COL20A1: variants seen among roughly 807,000 people sequenced by gnomAD.
The protein encoded by COL20A1 is collagen type XX alpha 1 chain.
Under a neutral mutation model 152.9 loss-of-function variants are expected in COL20A1, and 164 were observed. The observed-to-expected ratio is 1.07, with a 90% CI of 0.94 to 1.22. The LOEUF (loss-of-function observed/expected upper bound fraction) is 1.22, where lower values mean the gene tolerates loss of function less well. COL20A1 is among the 50% of genes most tolerant of loss of function. COL20A1 has a pLI of 0.00. For missense variants in COL20A1, 1,873 were observed against 1,744.8 expected (o/e 1.07, Z -1.31); for synonymous variants, 864 against 756.0 (o/e 1.14, Z -2.34).
intron 1 of COL20A1, among the ~76,000 whole-genome samples, chr20:63,294,284 G>A (rs942345342): frequency 1.3e-5 from 2 of 151,130 alleles, no homozygotes; most frequent in African/African-American, 4.9e-5. Flanking sequence ...GGTGGCAGGT[G>A]GAGGACTCGG....
At chr20:63,300,789 A>C (rs933700718) in intron 3 of COL20A1, among the ~76,000 whole-genome samples, 2 of 152,152 alleles carry the variant, frequency 1.3e-5, no homozygotes, top group African/African-American at 4.8e-5. Context: ...AAAACTATTG[A>C]ATTTTCTTCT....
rs1368698920 is a variant in COL20A1, at chr20:63,312,940, C to T, written c.2076+6C>T. 9.1e-6 allele frequency: 14 copies of T among 1,545,172 alleles called. No individual in the cohort carries two copies. Among genetic ancestry groups the T allele is most frequent in the Non-Finnish European group, 1.2e-5 (14 of 1,142,008 alleles). Reference sequence around the variant, plus strand: ...GAGAGGGGAAGGCTCACGAGGTGGGCAGGGGTGGGTTTGTCCTTCCGAGGG... The same window carrying T: ...GAGAGGGGAAGGCTCACGAGGTGGGTAGGGGTGGGTTTGTCCTTCCGAGGG... On this transcript the variant is annotated splice_donor_region_variant and intron_variant, in intron 16 of 35. Transcript: ENST00000358894.
At chr20:63,324,048 T>A (rs147218853) in intron 27 of COL20A1, among the ~76,000 whole-genome samples, 97 of 152,366 alleles carry the variant, frequency 6.4e-4, no homozygotes, top group African/African-American at 2.3e-3. Context: ...GGGGATGGTC[T>A]CTTCCTACAG....
chr20:63,325,055 G>A (rs982733882), intron 27 of COL20A1: 1 of 348,060 alleles, frequency 2.9e-6, no homozygotes, highest in Non-Finnish European at 5.5e-6. Flanking sequence ...CCATTCTCTA[G>A]CTCTGCAGAC....
At position 63,299,915 on chromosome 20, in the gene COL20A1, T is replaced by C. The variant is rs144293380; in HGVS notation, c.193+1895T>C. 1.4e-3 allele frequency among the ~76,000 whole-genome samples: 212 copies of C among 151,772 alleles called. 1 individual carries two copies. Among genetic ancestry groups the C allele is most frequent in the African/African-American group, 4.9e-3 (202 of 41,310 alleles). On this transcript the variant is annotated intron_variant, in intron 3 of 35. Coordinates refer to ENST00000358894, the MANE Select transcript of COL20A1 (RefSeq NM_020882.4). Reference sequence around the variant, plus strand: ...GTGTGTGTGTGTGTGTATATATATATGTATACCTTAAGAGACAGGGTCTCA... The same window carrying C: ...GTGTGTGTGTGTGTGTATATATATACGTATACCTTAAGAGACAGGGTCTCA...
rs2068323503 is a variant in COL20A1, at chr20:63,330,789, C to T, written c.*73C>T. The stretch of plus-strand genomic sequence containing the variant: ...GGGTTTGTCTGGACACCGAGAGCGA[C>T]CACATCCTGGAGAAGCCAGGAGAAA... On this transcript the variant is annotated 3_prime_UTR_variant, in exon 36 of 36. Transcript: ENST00000358894. 1 of 152,270 alleles carries T rather than the reference C, an allele frequency of 6.6e-6. No homozygotes were observed. Among genetic ancestry groups the T allele is most frequent in the Admixed American group, 6.5e-5 (1 of 15,292 alleles). 9.4% of individuals were successfully genotyped at this position (152,270 alleles called of 1,614,324 possible).
intron 19 of COL20A1, among the ~76,000 whole-genome samples, chr20:63,314,829 C>G (rs1320307608): frequency 7.4e-6 from 1 of 134,536 alleles, no homozygotes; most frequent in African/African-American, 2.8e-5. Context: ...GTGCCCCCAG[C>G]CTGCCCGCAC....
intron 6 of COL20A1, 24 bp from the exon 7 acceptor site, chr20:63,307,947 C>T (rs750792424): frequency 2.2e-5 from 36 of 1,610,144 alleles, no homozygotes; most frequent in Admixed American, 1.2e-4. Flanking sequence ...AAACTCAGCC[C>T]GTGGCCATGC....
rs75604641 is a variant in COL20A1, at chr20:63,307,519, G to T, written c.526G>T (p.Val176Leu). 6.2e-7 allele frequency: 1 copy of T among 1,612,224 alleles called. No individual in the cohort carries two copies. Among genetic ancestry groups the T allele is most frequent in the Non-Finnish European group, 8.5e-7 (1 of 1,179,606 alleles). Residue 176 changes from valine (V) to leucine (L), a missense_variant, in exon 6 of 36, where the codon GTG becomes TTG. Val to Leu is a conservative substitution (Grantham distance 32, BLOSUM62 1). Transcript: ENST00000358894. ...AGPQFRCLPP[V>L]PADMVFLVDG... ...CCCCCAGTTCCGCTGCCTGCCCCCC[G>T]TGCCTGCTGACATGGTCTTCCTGGT...
chr20:63,334,093 CCT>C lies in COL20A1; in HGVS notation c.*3381_*3382del, dbSNP rs1166207958. The C allele has an allele frequency of 6.6e-6, 1 of 152,206 alleles. No homozygotes were observed. The highest frequency in any genetic ancestry group is 1.5e-5 in the Non-Finnish European group (1 of 68,038). 9.4% of individuals were successfully genotyped at this position (152,206 alleles called of 1,614,324 possible). On this transcript the variant is annotated 3_prime_UTR_variant, in exon 36 of 36. Transcript: ENST00000358894. ...TCCTTGCCCAGTGGAGAAACACTCTCCTCTCATGTGTGGAATATCCACACACT... is the reference window on the plus strand; with the variant it reads ...TCCTTGCCCAGTGGAGAAACACTCTCCTCATGTGTGGAATATCCACACACT...
rs184180648 is a variant in COL20A1 at position 63,308,064 on chromosome 20, G to A, written c.749G>A (p.Arg250His). 205 of 1,612,318 alleles carry A rather than the reference G, an allele frequency of 1.3e-4. 1 individual carries two copies. In the East Asian group the frequency reaches 2.8e-3, roughly 22 times the overall value. ...EQVLAAVRRL[R>H]YKGGNTFTGL... ...GTGCTGGCAGCTGTGCGCCGCCTCC[G>A]CTACAAGGGGGGGAACACGTTCACA... Residue 250 changes from arginine to histidine, a missense_variant, in exon 7 of 36, where the codon CGC becomes CAC. Arg to His is a conservative substitution (Grantham distance 29). Coordinates refer to ENST00000358894, the MANE Select transcript of COL20A1 (RefSeq NM_020882.4).
Position 63,305,382 on chromosome 20 carries a change from C to T in COL20A1, c.194-35C>T. The T allele has an allele frequency of 6.9e-7, 1 of 1,449,008 alleles. No individual in the cohort carries two copies. Among genetic ancestry groups the T allele is most frequent in the South Asian group, 1.5e-5 (1 of 65,698 alleles). 89.8% of individuals were successfully genotyped at this position (1,449,008 alleles called of 1,614,324 possible). On this transcript the variant is annotated intron_variant, in intron 3 of 35. Coordinates refer to ENST00000358894, the MANE Select transcript of COL20A1 (RefSeq NM_020882.4). This position sits in a 1 kb window ranked among gnomAD's most constrained non-coding sequence, Gnocchi z 4.9. ...CGTGACAGATGCACACACGTGTGCACCTTGGCCTCTAAAGCTCTCCCCACC... is the reference window on the plus strand; with the variant it reads ...CGTGACAGATGCACACACGTGTGCATCTTGGCCTCTAAAGCTCTCCCCACC...
intron 3 of COL20A1, among the ~76,000 whole-genome samples, chr20:63,300,255 G>T (rs1438020242): frequency 1.3e-5 from 2 of 152,020 alleles, no homozygotes; most frequent in Non-Finnish European, 2.9e-5. Context: ...CTCTTATTCT[G>T]TTTTCTGGAA....
intron 19 of COL20A1, among the ~76,000 whole-genome samples, chr20:63,314,556 T>C (rs1315746780): frequency 6.6e-6 from 1 of 152,104 alleles, no homozygotes. Context: ...CCCTCTGGGC[T>C]TCCCATTGTG....
At chr20:63,296,846 C>T (rs1427935787) in intron 2 of COL20A1, among the ~76,000 whole-genome samples, 2 of 152,154 alleles carry the variant, frequency 1.3e-5, no homozygotes, top group South Asian at 2.1e-4. Context: ...CCCCCCAGCC[C>T]CTGCTCTTCC....
intron 5 of COL20A1, 77 bp from the exon 6 acceptor site, chr20:63,307,413 C>G (rs1162775276): frequency 1.4e-6 from 2 of 1,394,672 alleles, no homozygotes; most frequent in South Asian, 1.3e-5. Context: ...GTGGCTGGAG[C>G]CCCGGGGTAG....
intron 21 of COL20A1, among the ~76,000 whole-genome samples, chr20:63,317,277 A>G (rs1402255688): frequency 6.6e-6 from 1 of 152,100 alleles, no homozygotes; most frequent in East Asian, 1.9e-4. Context: ...CAGCCTGGAC[A>G]ATGCAGCAAG....
In COL20A1 at chr20:63,329,616, C is replaced by T. The variant is rs747520848; in HGVS notation, c.3813C>T (p.Ser1271=). 1 of 1,607,618 alleles carries T rather than the reference C, an allele frequency of 6.2e-7. No homozygotes were observed. Among genetic ancestry groups the T allele is most frequent in the Non-Finnish European group, 8.5e-7 (1 of 1,178,668 alleles). ...CTGGAGCTGTTGGTCAGATGGGCAGCCCTGGGCAGCAGGGGGCTAGCACCC... is the reference window on the plus strand; with the variant it reads ...CTGGAGCTGTTGGTCAGATGGGCAGTCCTGGGCAGCAGGGGGCTAGCACCC... ...GEPGAVGQMG[S]PGQQGASTQG... is the part of the protein sequence containing the mutation. The change falls in exon 35 of 36, where the codon AGC becomes AGT. Residue 1271 remains serine (S), a synonymous_variant. Transcript: ENST00000358894.
Position 63,312,932 on chromosome 20 carries a change from G to T in COL20A1, c.2074G>T (p.Glu692Ter). The T allele has an allele frequency of 1.3e-6, 2 of 1,549,966 alleles. No individual in the cohort carries two copies. The highest frequency in any genetic ancestry group is 8.7e-7 in the Non-Finnish European group (1 of 1,145,316). The change falls in exon 16 of 36, where the codon GAG becomes TAG. Residue 692 changes from glutamate (E) to a stop codon, truncating the protein, a stop_gained and splice_region_variant. Coordinates refer to ENST00000358894, the MANE Select transcript of COL20A1 (RefSeq NM_020882.4). LOFTEE classifies it high-confidence loss of function. ...GCCCCTGGGAGAGGGGAAGGCTCAC[G>T]AGGTGGGCAGGGGTGGGTTTGTCCT... ...WTPLGEGKAHEISVPGNLGTA... is the reference protein window; with the variant it reads ...WTPLGEGKAH
Sources: allele counts gnomAD v4.1 joint callset (sites outside exome capture counted in the v4.1 genomes callset), GRCh38; gene constraint gnomAD v4.1.1; non-coding constraint Gnocchi (gnomAD v3.1); transcripts MANE v1.5; gene names NCBI Gene and HGNC (gene_info 2026-07-23, HGNC 2026-07-21).